Variants in NCKAP5 observed in about 807,000 individuals in gnomAD.
The protein encoded by NCKAP5 is nck-associated protein 5.
NCKAP5 carries 92 observed loss-of-function variants against 167.0 expected under a neutral mutation model. The observed-to-expected ratio is 0.55, with a 90% CI of 0.47 to 0.66. NCKAP5 has a LOEUF of 0.66. Ranked by LOEUF, NCKAP5 falls within the 30% of genes least tolerant of loss-of-function variation. NCKAP5 has a pLI of 0.00. For missense variants in NCKAP5, 2,378 were observed against 2,315.0 expected, an observed-to-expected ratio of 1.03 and a Z score of -0.56; for synonymous variants, 891 against 877.4, an observed-to-expected ratio of 1.02 and a Z score of -0.27.
intron 8 of NCKAP5, among the ~76,000 whole-genome samples, chr2:132,885,232 C>A (rs1187217211): frequency 6.6e-6 from 1 of 151,530 alleles, no homozygotes; most frequent in African/African-American, 2.4e-5. Context: ...ACCCTCTTAA[C>A]TAAATGTGAT....
chr2:133,627,930 T>A, the NCKAP5 span, among the ~76,000 whole-genome samples: 2 of 152,138 alleles, frequency 1.3e-5, no homozygotes, highest in Non-Finnish European at 2.9e-5. Context: ...CCGTGGTACT[T>A]CCCTTGGCCA....
the NCKAP5 span, among the ~76,000 whole-genome samples, chr2:133,626,994 A>T: frequency 6.6e-6 from 1 of 152,078 alleles, no homozygotes; most frequent in Non-Finnish European, 1.5e-5. Flanking sequence ...CATACAAAAA[A>T]TGAAGACTAC....
chr2:132,808,614 T>A (rs1475652365), intron 11 of NCKAP5, among the ~76,000 whole-genome samples: 1 of 152,172 alleles, frequency 6.6e-6, no homozygotes, highest in Non-Finnish European at 1.5e-5. Context: ...ATATCTCCTG[T>A]TTCGTTTCTT....
chr2:132,790,328 G>T, intron 12 of NCKAP5, 123 bp from the exon 13 acceptor site: 3 of 839,638 alleles, frequency 3.6e-6, no homozygotes, highest in African/African-American at 1.7e-5. Flanking sequence ...AGTACATCCT[G>T]ATAAACCCAT....
intron 6 of NCKAP5, among the ~76,000 whole-genome samples, chr2:133,090,989 C>T (rs1234734916): frequency 1.3e-5 from 2 of 152,042 alleles, no homozygotes; most frequent in African/African-American, 2.4e-5. Flanking sequence ...AGGTAGATAT[C>T]CCCCTTGCTG....
intron 4 of NCKAP5, among the ~76,000 whole-genome samples, chr2:133,241,757 G>T (rs879859359): frequency 1.1e-4 from 16 of 152,190 alleles, no homozygotes; most frequent in Non-Finnish European, 2.2e-4. Context: ...CCTTCTCCAG[G>T]CTTGTCTCTC....
the NCKAP5 span, among the ~76,000 whole-genome samples, chr2:133,644,391 C>A: frequency 1.3e-5 from 2 of 152,160 alleles, no homozygotes; most frequent in African/African-American, 2.4e-5. Context: ...CTACCATAAT[C>A]ATTTCCAATT....
In NCKAP5 at chr2:132,673,116, C is replaced by A; in HGVS notation, c.*173G>T. 7.6e-7 allele frequency: 1 copy of A among 1,315,880 alleles called. No individual in the cohort carries two copies. The highest frequency in any genetic ancestry group is 9.7e-7 in the Non-Finnish European group (1 of 1,036,134). The allele number at this position is 1,315,880 out of a possible 1,614,324, so 81.5% of individuals were successfully genotyped here. On this transcript the variant is annotated 3_prime_UTR_variant, in exon 20 of 20. Transcript: ENST00000409261. ...TCCAAGTTGTCTACCCCAGGCCTAT[C>A]TGAACTACTCAAAGATGTCTCTTCA...
chr2:132,920,717 ATGTATATATATATATGTATATATATG>A (rs1695280478), intron 8 of NCKAP5, among the ~76,000 whole-genome samples: 1 of 95,698 alleles, frequency 1.0e-5, no homozygotes, highest in Non-Finnish European at 1.9e-5. Flanking sequence ...ATGTATATAT[ATGTATATATATATATGTATATATATG>A]TGTATATATA....
intron 6 of NCKAP5, among the ~76,000 whole-genome samples, chr2:133,056,593 G>C (rs2079809599): frequency 6.6e-6 from 1 of 152,146 alleles, no homozygotes. Flanking sequence ...ATGCAGGACT[G>C]TGCTAAATAC....
intron 3 of NCKAP5, among the ~76,000 whole-genome samples, chr2:133,420,653 G>C (rs576423668): frequency 3.9e-5 from 6 of 152,300 alleles, no homozygotes; most frequent in African/African-American, 1.4e-4. Context: ...TTTGAAATCA[G>C]GAAAAGGGAA....
chr2:132,790,080 G>A lies in NCKAP5; in HGVS notation c.1035C>T (p.Ser345=), dbSNP rs776078937. The A allele has an allele frequency of 4.6e-5, 74 of 1,613,014 alleles. No individual in the cohort carries two copies. In the South Asian group the frequency reaches 5.2e-4, roughly 11 times the overall value. ...SSELSLSSTC[S]EYSSGSSYTW... ...TGTAGGAGGAGCCACTGGAGTACTCGCTGCAGGTGCTTGAAAGAGACAGTT... is the reference window on the plus strand; with the variant it reads ...TGTAGGAGGAGCCACTGGAGTACTCACTGCAGGTGCTTGAAAGAGACAGTT... Residue 345 remains serine, a synonymous_variant, in exon 13 of 20, where the codon AGC becomes AGT. Coordinates refer to ENST00000409261, the MANE Select transcript of NCKAP5 (RefSeq NM_207363.3).
chr2:133,651,546 C>A, the NCKAP5 span, among the ~76,000 whole-genome samples: 1 of 152,082 alleles, frequency 6.6e-6, no homozygotes, highest in Non-Finnish European at 1.5e-5. Context: ...AGAAATAGAA[C>A]CTTTGCACAC....
At chr2:132,952,124 A>G (rs1006922796) in intron 8 of NCKAP5, among the ~76,000 whole-genome samples, 2 of 152,210 alleles carry the variant, frequency 1.3e-5, no homozygotes, top group African/African-American at 4.8e-5. Flanking sequence ...CTCTGTGAAA[A>G]AAAACAAGGC....
intron 5 of NCKAP5, among the ~76,000 whole-genome samples, chr2:133,185,734 G>A (rs1301074711): frequency 2.0e-5 from 3 of 151,892 alleles, no homozygotes; most frequent in Non-Finnish European, 4.4e-5. Flanking sequence ...TGTAAATGGG[G>A]TTGTATTCTT....
the NCKAP5 span, among the ~76,000 whole-genome samples, chr2:133,589,877 A>G: frequency 6.6e-6 from 1 of 152,340 alleles, no homozygotes; most frequent in East Asian, 1.9e-4. Flanking sequence ...ATGAAACACA[A>G]ACTGATGTAA....
intron 8 of NCKAP5, among the ~76,000 whole-genome samples, chr2:132,886,047 G>C (rs550771509): frequency 6.6e-6 from 1 of 152,232 alleles, no homozygotes. Context: ...CTGTACCTTT[G>C]GTTTTGCTGC....
chr2:132,892,210 A>T (rs1692765593), intron 8 of NCKAP5, among the ~76,000 whole-genome samples: 1 of 152,148 alleles, frequency 6.6e-6, no homozygotes, highest in Non-Finnish European at 1.5e-5. Context: ...TTTAACCCAC[A>T]GTCTTCCTCT....
chr2:132,919,468 C>G (rs1473414733), intron 8 of NCKAP5, among the ~76,000 whole-genome samples: 2 of 152,068 alleles, frequency 1.3e-5, no homozygotes, highest in Non-Finnish European at 2.9e-5. Context: ...TGGGTGGGAG[C>G]CACCGCTGAC....
Sources: allele counts gnomAD v4.1 joint callset (sites outside exome capture counted in the v4.1 genomes callset), GRCh38; gene constraint gnomAD v4.1.1; transcripts MANE v1.5; gene names NCBI Gene and HGNC (gene_info 2026-07-23, HGNC 2026-07-21).